Variants in DIP2B observed in about 807,000 individuals in gnomAD.
DIP2B encodes DIP2 acetate--CoA ligase B (putative).
In DIP2B, 76 loss-of-function variants were observed where a neutral mutation model predicts 198.0. The observed-to-expected ratio is 0.38, with a 90% confidence interval of 0.32 to 0.46. The LOEUF (loss-of-function observed/expected upper bound fraction) is 0.46, where lower values mean the gene tolerates loss of function less well. Ranked by LOEUF, DIP2B falls within the 20% of genes least tolerant of loss-of-function variation. The pLI, the probability that DIP2B is intolerant of heterozygous loss-of-function variation, is 0.99. For missense variants in DIP2B, 1,559 were observed against 1,978.4 expected (o/e 0.79, Z 4.02); for synonymous variants, 701 against 739.1 (o/e 0.95, Z 0.84).
intron 6 of DIP2B, 51 bp from the exon 7 acceptor site, chr12:50,675,276 TAA>T: frequency 6.3e-7 from 1 of 1,585,452 alleles, no homozygotes. Context: ...ACTGAGGAAC[TAA>T]AATATCCTTA....
chr12:50,678,961 T>C, intron 8 of DIP2B, 85 bp downstream of exon 8: 1 of 1,429,610 alleles, frequency 7.0e-7, no homozygotes, highest in Non-Finnish European at 9.6e-7. Context: ...TACTTAGCAG[T>C]TGCTGGCCAT....
chr12:50,640,652 T>C (rs1938239175), intron 2 of DIP2B, 72 bp from the exon 3 acceptor site: 2 of 1,544,170 alleles, frequency 1.3e-6, no homozygotes, highest in South Asian at 1.2e-5. Context: ...ATTGTGAGAA[T>C]GCTTAAAGTG....
intron 4 of DIP2B, among the ~76,000 whole-genome samples, chr12:50,661,071 G>GT (rs1938637937): frequency 6.6e-6 from 1 of 151,320 alleles, no homozygotes; most frequent in Admixed American, 6.6e-5. Flanking sequence ...CTCTCCCAAA[G>GT]TTTTTTTAAA....
intron 22 of DIP2B, among the ~76,000 whole-genome samples, chr12:50,710,278 C>T (rs922575946): frequency 2.0e-5 from 3 of 152,122 alleles, no homozygotes; most frequent in African/African-American, 7.2e-5. Context: ...GTGGCCTGTC[C>T]TTGCTGTACT....
chr12:50,675,536 A>G (rs1027148188), intron 7 of DIP2B, 88 bp downstream of exon 7: 11 of 1,292,262 alleles, frequency 8.5e-6, no homozygotes, highest in Admixed American at 6.6e-5. Flanking sequence ...GGGTTAAAGA[A>G]TGAACAAGAC....
At chr12:50,508,248 AG>A (rs1203995780) in intron 1 of DIP2B, among the ~76,000 whole-genome samples, 8 of 152,242 alleles carry the variant, frequency 5.3e-5, no homozygotes, top group Non-Finnish European at 1.2e-4. Flanking sequence ...GCTTTTCTAT[AG>A]ACGAGTTGAA....
At chr12:50,720,533 G>A (rs927025302) in intron 25 of DIP2B, among the ~76,000 whole-genome samples, 2 of 151,712 alleles carry the variant, frequency 1.3e-5, no homozygotes, top group Admixed American at 6.6e-5. Context: ...TTACTTTTAT[G>A]ACAGAAAATT....
intron 1 of DIP2B, among the ~76,000 whole-genome samples, chr12:50,514,653 C>G (rs1958048115): frequency 6.6e-6 from 1 of 152,096 alleles, no homozygotes; most frequent in Non-Finnish European, 1.5e-5. Context: ...GCCCTTGACT[C>G]TTTGCCTTCA....
intron 1 of DIP2B, among the ~76,000 whole-genome samples, chr12:50,618,723 A>G (rs1937748361): frequency 6.6e-6 from 1 of 152,220 alleles, no homozygotes; most frequent in Non-Finnish European, 1.5e-5. Flanking sequence ...AAATTGAGAA[A>G]AATGATGATA....
At chr12:50,625,316 T>G (rs545524496) in intron 1 of DIP2B, among the ~76,000 whole-genome samples, 3 of 152,234 alleles carry the variant, frequency 2.0e-5, no homozygotes, top group Admixed American at 6.5e-5. Flanking sequence ...ACTACAGATT[T>G]TCTCCTGTAT....
intron 34 of DIP2B, among the ~76,000 whole-genome samples, chr12:50,735,413 A>G (rs958192366): frequency 2.6e-5 from 4 of 152,024 alleles, no homozygotes; most frequent in African/African-American, 9.7e-5. Flanking sequence ...TGAAAGGTGG[A>G]TAGAAGAGCT....
chr12:50,642,882 T>C (rs878917249), intron 3 of DIP2B, among the ~76,000 whole-genome samples: 1 of 152,196 alleles, frequency 6.6e-6, no homozygotes, highest in African/African-American at 2.4e-5. Context: ...TGCACCCCTT[T>C]GTTGCCAATC....
intron 1 of DIP2B, among the ~76,000 whole-genome samples, chr12:50,510,710 A>G (rs1315553302): frequency 2.0e-5 from 3 of 149,754 alleles, no homozygotes; most frequent in Non-Finnish European, 4.4e-5. Context: ...TAATGGCACG[A>G]TCTCAGCTCA....
intron 3 of DIP2B, among the ~76,000 whole-genome samples, chr12:50,653,347 T>TC (rs1938494685): frequency 5.1e-5 from 2 of 39,274 alleles, no homozygotes; most frequent in African/African-American, 3.5e-4. Context: ...TTTTCTTTTC[T>TC]TTTTTTTTTT....
intron 7 of DIP2B, among the ~76,000 whole-genome samples, chr12:50,676,269 G>A (rs1044626357): frequency 6.6e-6 from 1 of 152,194 alleles, no homozygotes. Context: ...AGAGCTAAGC[G>A]TTGGTAGCTT....
intron 4 of DIP2B, among the ~76,000 whole-genome samples, chr12:50,662,842 G>A (rs950400325): frequency 7.2e-5 from 11 of 152,176 alleles, no homozygotes; most frequent in Admixed American, 6.5e-4. Flanking sequence ...GGGGTACGGT[G>A]GCTCATGCCT....
chr12:50,686,181 C>G (rs1156997579), intron 11 of DIP2B, among the ~76,000 whole-genome samples: 1 of 152,150 alleles, frequency 6.6e-6, no homozygotes, highest in African/African-American at 2.4e-5. Flanking sequence ...GGCAGAGCAG[C>G]AATTTGAACC....
intron 8 of DIP2B, 134 bp downstream of exon 8, chr12:50,679,010 C>T: frequency 3.0e-6 from 3 of 1,016,078 alleles, no homozygotes; most frequent in Non-Finnish European, 4.2e-6. Flanking sequence ...TAAAAGGATC[C>T]TAAGCTCTAA....
intron 2 of DIP2B, among the ~76,000 whole-genome samples, chr12:50,632,804 T>G (rs1190386022): frequency 2.0e-5 from 3 of 152,112 alleles, no homozygotes; most frequent in African/African-American, 7.2e-5. Context: ...CCCGAAGTGC[T>G]GAGATTACGC....
Sources: gnomAD v4.1 joint callset for allele counts (sites outside exome capture counted in the v4.1 genomes callset) on GRCh38, gnomAD v4.1.1 for gene constraint, MANE v1.5 for transcripts, NCBI Gene and HGNC (gene_info 2026-07-23, HGNC 2026-07-21) for gene names.